The following RTTN variants were observed in gnomAD, a reference collection of about 807,000 sequenced individuals.
RTTN encodes the protein rotatin.
In RTTN, 182 loss-of-function variants were observed where a neutral mutation model predicts 269.2. That is an observed-to-expected ratio of 0.68 (90% CI 0.60 to 0.76). RTTN has a LOEUF of 0.76. Among genes scored for constraint, RTTN ranks in the 30% least tolerant of loss-of-function variants. The probability of loss-of-function intolerance (pLI) is 0.00; values close to 1 mark genes in which losing one functional copy is unlikely to be tolerated. For missense variants in RTTN, 2,545 were observed against 2,608.6 expected, an observed-to-expected ratio of 0.98 and a Z score of 0.53; for synonymous variants, 1,006 against 963.5, an observed-to-expected ratio of 1.04 and a Z score of -0.82.
intron 19 of RTTN, among the ~76,000 whole-genome samples, chr18:70,141,900 T>A (rs887105740): frequency 6.6e-6 from 1 of 152,184 alleles, no homozygotes; most frequent in Non-Finnish European, 1.5e-5. Context: ...ATATGATGCA[T>A]GCACTCAGTA....
intron 44 of RTTN, 162 bp from the exon 45 acceptor site, chr18:70,020,979 AATAG>A: frequency 1.7e-6 from 1 of 589,148 alleles, no homozygotes; most frequent in South Asian, 2.3e-5. Flanking sequence ...CAGTCAACCT[AATAG>A]ATATACTGTC....
At chr18:70,081,518 T>G (rs796927889) in intron 32 of RTTN, among the ~76,000 whole-genome samples, 8 of 152,244 alleles carry the variant, frequency 5.3e-5, no homozygotes, top group African/African-American at 1.9e-4. Context: ...ATATAATATC[T>G]CTTGACATGT....
intron 28 of RTTN, among the ~76,000 whole-genome samples, chr18:70,098,645 T>C (rs1319673251): frequency 1.3e-5 from 2 of 151,890 alleles, no homozygotes; most frequent in African/African-American, 4.8e-5. Flanking sequence ...ATGAAGTTTA[T>C]TTTATTTTTT....
chr18:70,203,044 T>C (rs1382383744), intron 3 of RTTN, among the ~76,000 whole-genome samples: 2 of 152,072 alleles, frequency 1.3e-5, no homozygotes, highest in South Asian at 2.1e-4. Flanking sequence ...TCAATTCAAA[T>C]GCATTCCATG....
chr18:70,030,715 T>C lies in RTTN; in HGVS notation c.5647+161A>G, dbSNP rs1234147769. Among the ~76,000 whole-genome samples the C allele has an allele frequency of 2.0e-5, 3 of 152,246 alleles. No individual in the cohort carries two copies. In the South Asian group the frequency reaches 6.2e-4, roughly 31 times the overall value. The stretch of plus-strand genomic sequence containing the variant: ...ATCTTTTTATTTGAAAAGTAATGCA[T>C]ATTTACTGCTTCTGTATGGGAAAAA... On this transcript the variant is annotated intron_variant, in intron 41 of 48. Coordinates refer to ENST00000640769, the MANE Select transcript of RTTN (RefSeq NM_173630.4).
intron 18 of RTTN, among the ~76,000 whole-genome samples, chr18:70,145,260 T>G (rs569521510): frequency 6.6e-6 from 1 of 152,316 alleles, no homozygotes; most frequent in Admixed American, 6.5e-5. Context: ...GATTCTACAT[T>G]ATGGTGAGTT....
intron 42 of RTTN, among the ~76,000 whole-genome samples, chr18:70,029,167 A>T (rs1327872373): frequency 6.7e-6 from 1 of 150,348 alleles, no homozygotes; most frequent in Non-Finnish European, 1.5e-5. Context: ...AAGAGGCAAA[A>T]AAAAAAAAAA....
At chr18:70,097,653 A>T (rs2059037918) in intron 28 of RTTN, among the ~76,000 whole-genome samples, 1 of 152,226 alleles carries the variant, frequency 6.6e-6, no homozygotes, top group Admixed American at 6.5e-5. Flanking sequence ...ACTGCGAAAC[A>T]TTACATAACA....
At chr18:70,140,901 T>C (rs142127146) in intron 19 of RTTN, among the ~76,000 whole-genome samples, 1 of 152,250 alleles carries the variant, frequency 6.6e-6, no homozygotes, top group Non-Finnish European at 1.5e-5. Flanking sequence ...TTCTCCTATA[T>C]TCTCATTAGG....
At chr18:70,173,894 G>A (rs1004489297) in intron 11 of RTTN, among the ~76,000 whole-genome samples, 1 of 152,192 alleles carries the variant, frequency 6.6e-6, no homozygotes, top group Non-Finnish European at 1.5e-5. Context: ...TGAACCTCAA[G>A]AAGGAGTTGA....
chr18:70,102,571 A>G (rs894101615), intron 28 of RTTN, among the ~76,000 whole-genome samples: 1 of 152,162 alleles, frequency 6.6e-6, no homozygotes, highest in Non-Finnish European at 1.5e-5. Flanking sequence ...GACCATTTAC[A>G]TTTAAGGTTA....
At chr18:70,054,008 C>G (rs2057745694) in intron 38 of RTTN, 123 bp downstream of exon 38, 1 of 767,012 alleles carries the variant, frequency 1.3e-6, no homozygotes, top group Non-Finnish European at 2.1e-6. Flanking sequence ...ATTATCAAAG[C>G]CTTCCAAAAT....
At chr18:70,121,266 C>G (rs951690028) in intron 26 of RTTN, among the ~76,000 whole-genome samples, 16 of 152,104 alleles carry the variant, frequency 1.1e-4, no homozygotes, top group African/African-American at 3.9e-4. Context: ...TGTCCCCTGC[C>G]ACCTGAACTG....
chr18:70,093,368 A>T (rs1332159184), intron 28 of RTTN, among the ~76,000 whole-genome samples: 3 of 152,034 alleles, frequency 2.0e-5, no homozygotes, highest in Non-Finnish European at 4.4e-5. Flanking sequence ...GAGTTTATGA[A>T]TAATTTGTGC....
intron 30 of RTTN, among the ~76,000 whole-genome samples, chr18:70,090,051 G>A (rs541588454): frequency 2.8e-4 from 42 of 152,284 alleles, no homozygotes; most frequent in African/African-American, 9.9e-4. Flanking sequence ...GCAATTCATG[G>A]ACTTAATCAG....
At chr18:70,147,809 G>A (rs1038200066) in intron 17 of RTTN, among the ~76,000 whole-genome samples, 8 of 151,976 alleles carry the variant, frequency 5.3e-5, no homozygotes, top group Non-Finnish European at 1.2e-4. Context: ...CCTTGGGCCC[G>A]AAAAACAAAC....
intron 28 of RTTN, 43 bp from the exon 29 acceptor site, chr18:70,092,847 A>G (rs1468253597): frequency 6.5e-7 from 1 of 1,547,316 alleles, no homozygotes; most frequent in East Asian, 2.3e-5. Context: ...CTTTATTCTC[A>G]ATGGTATATA....
At chr18:70,004,453 T>A (rs1342292220) in intron 48 of RTTN, among the ~76,000 whole-genome samples, 2 of 152,018 alleles carry the variant, frequency 1.3e-5, no homozygotes, top group Non-Finnish European at 2.9e-5. Context: ...TTACCCAGAG[T>A]ATTTTTTAAA....
chr18:70,154,248 A>G (rs1005078732), intron 14 of RTTN, among the ~76,000 whole-genome samples: 1 of 152,026 alleles, frequency 6.6e-6, no homozygotes, highest in Non-Finnish European at 1.5e-5. Context: ...GACAGGAAAA[A>G]TTATCTGGAT....
Sources: gnomAD v4.1 joint callset for allele counts (sites outside exome capture counted in the v4.1 genomes callset) on GRCh38, gnomAD v4.1.1 for gene constraint, MANE v1.5 for transcripts, NCBI Gene and HGNC (gene_info 2026-07-23, HGNC 2026-07-21) for gene names.